The following PCDH11X variants were observed in gnomAD, a reference collection of about 807,000 sequenced individuals.
The protein encoded by PCDH11X is protocadherin-11 X-linked.
A neutral mutation model predicts 53.3 loss-of-function variants in PCDH11X; 18 were observed. The ratio of observed to expected loss-of-function variants is 0.34; its 90% CI spans 0.23 to 0.50. The LOEUF (loss-of-function observed/expected upper bound fraction) is 0.50, where lower values mean the gene tolerates loss of function less well. PCDH11X is among the 20% of genes least tolerant of loss of function. The pLI is 0.98. For synonymous variants in PCDH11X, 279 were observed against 393.3 expected (o/e 0.71, Z 3.44); for missense variants, 570 against 1,032.4 (o/e 0.55, Z 6.14).
chrX:92,158,810 A>G (rs2065586305), intron 6 of PCDH11X, among the ~76,000 whole-genome samples: 1 of 110,175 alleles, frequency 9.1e-6, no homozygotes, highest in African/African-American at 3.3e-5. Flanking sequence ...TAATTTTTGT[A>G]TTTTTAGTAG....
chrX:92,437,929 G>A (rs943457094), intron 9 of PCDH11X, among the ~76,000 whole-genome samples: 1 of 111,734 alleles, frequency 8.9e-6, no homozygotes, highest in Non-Finnish European at 1.9e-5. Flanking sequence ...TAAGTGTATT[G>A]AAAACAATAA....
intron 6 of PCDH11X, among the ~76,000 whole-genome samples, chrX:92,000,142 T>C (rs945356948): frequency 1.8e-5 from 2 of 111,414 alleles, no homozygotes; most frequent in African/African-American, 6.5e-5. Flanking sequence ...GAAGTTATAC[T>C]CCTTAATTAA....
intron 6 of PCDH11X, among the ~76,000 whole-genome samples, chrX:92,041,424 T>A (rs1186870865): frequency 1.3e-4 from 14 of 111,603 alleles, no homozygotes; most frequent in Non-Finnish European, 5.6e-5. Flanking sequence ...AATAATCCAA[T>A]GCAAATCAGT....
chrX:92,295,739 T>TTG (rs58402010), intron 8 of PCDH11X, among the ~76,000 whole-genome samples: 2,389 of 71,528 alleles, frequency 0.033, 86 homozygotes, highest in African/African-American at 0.082. Flanking sequence ...ACAGGTGTGT[T>TTG]TGTGTGTGTG....
chrX:92,398,930 C>G (rs990099776), intron 9 of PCDH11X, among the ~76,000 whole-genome samples: 1 of 110,863 alleles, frequency 9.0e-6, no homozygotes, highest in Non-Finnish European at 1.9e-5. Context: ...TGGTGGCTCA[C>G]GCCTATAATC....
intron 6 of PCDH11X, among the ~76,000 whole-genome samples, chrX:92,133,124 T>A (rs973417440): frequency 9.0e-6 from 1 of 111,238 alleles, no homozygotes; most frequent in Non-Finnish European, 1.9e-5. Context: ...TACAATCACA[T>A]CAAGTAGATT....
At chrX:92,175,803 C>CACACAG (rs1556140702) in intron 6 of PCDH11X, among the ~76,000 whole-genome samples, 1 of 94,723 alleles carries the variant, frequency 1.1e-5, no homozygotes, top group East Asian at 3.6e-4. Context: ...CACACACACA[C>CACACAG]AGAGAGAGAG....
chrX:92,109,197 C>A (rs996323702), intron 6 of PCDH11X, among the ~76,000 whole-genome samples: 5 of 110,787 alleles, frequency 4.5e-5, no homozygotes, highest in African/African-American at 1.6e-4. Context: ...GTGGTGAAAC[C>A]CTGTCTCTAC....
chrX:92,082,790 A>G (rs756644085), intron 6 of PCDH11X, among the ~76,000 whole-genome samples: 238 of 112,217 alleles, frequency 2.1e-3, no homozygotes, highest in East Asian at 6.1e-3. Context: ...GGTTGAAAAT[A>G]GCTGGAAAAA....
At chrX:92,054,222 T>C (rs1044187972) in intron 6 of PCDH11X, among the ~76,000 whole-genome samples, 4 of 111,760 alleles carry the variant, frequency 3.6e-5, no homozygotes, top group African/African-American at 9.7e-5. Context: ...TTTATCTCTT[T>C]ATGTCTACTT....
chrX:92,081,071 G>T (rs1235680703), intron 6 of PCDH11X, among the ~76,000 whole-genome samples: 1 of 110,992 alleles, frequency 9.0e-6, no homozygotes, highest in Non-Finnish European at 1.9e-5. Context: ...ATAATTCTTA[G>T]CACAAAGTGG....
intron 8 of PCDH11X, among the ~76,000 whole-genome samples, chrX:92,351,350 C>T (rs1350617229): frequency 6.3e-5 from 7 of 111,349 alleles, no homozygotes; most frequent in Non-Finnish European, 1.1e-4. Context: ...TAATGCATGA[C>T]GTCTTTTAAT....
intron 6 of PCDH11X, among the ~76,000 whole-genome samples, chrX:92,009,925 G>A (rs1429693466): frequency 9.1e-6 from 1 of 109,639 alleles, no homozygotes; most frequent in Non-Finnish European, 1.9e-5. Context: ...GGCTGGGCTG[G>A]AACTCCTGAC....
chrX:92,137,493 T>A (rs1487420138), intron 6 of PCDH11X, among the ~76,000 whole-genome samples: 1 of 110,444 alleles, frequency 9.1e-6, no homozygotes, highest in Non-Finnish European at 1.9e-5. Context: ...TCATATATGT[T>A]TTAGTATATA....
intron 6 of PCDH11X, among the ~76,000 whole-genome samples, chrX:92,032,474 C>T (rs1173090287): frequency 1.8e-5 from 2 of 110,458 alleles, no homozygotes; most frequent in Non-Finnish European, 3.8e-5. Flanking sequence ...CCCTTTATTT[C>T]TTTCTCTTGT....
chrX:92,506,002 A>G (rs1197200087), intron 10 of PCDH11X, among the ~76,000 whole-genome samples: 2 of 110,389 alleles, frequency 1.8e-5, no homozygotes, highest in Non-Finnish European at 3.8e-5. Flanking sequence ...TTATTTTTGT[A>G]CACTGATTTT....
At chrX:92,522,912 T>C (rs1279202049) in intron 10 of PCDH11X, among the ~76,000 whole-genome samples, 1 of 111,416 alleles carries the variant, frequency 9.0e-6, no homozygotes, top group Non-Finnish European at 1.9e-5. Context: ...GAACTTTACA[T>C]CACTTGGATG....
intron 6 of PCDH11X, among the ~76,000 whole-genome samples, chrX:92,156,723 T>C (rs946453268): frequency 8.9e-6 from 1 of 111,811 alleles, no homozygotes; most frequent in African/African-American, 3.3e-5. Flanking sequence ...GTTAATCCAT[T>C]CCAGTAGGAA....
At chrX:91,822,002 C>T (rs1021974959) in intron 4 of PCDH11X, among the ~76,000 whole-genome samples, 5 of 104,576 alleles carry the variant, frequency 4.8e-5, no homozygotes, top group Admixed American at 9.9e-5. Flanking sequence ...ATTGAACCAG[C>T]CTTGCATCCC....
Sources: allele counts gnomAD v4.1 joint callset (sites outside exome capture counted in the v4.1 genomes callset), GRCh38; gene constraint gnomAD v4.1.1; transcripts MANE v1.5; gene names NCBI Gene and HGNC (gene_info 2026-07-23, HGNC 2026-07-21).